The following PRRG3 variants were observed in gnomAD, a reference collection of about 807,000 sequenced individuals.
The protein encoded by PRRG3 is transmembrane gamma-carboxyglutamic acid protein 3.
Under a neutral mutation model 15.8 loss-of-function variants are expected in PRRG3, and 21 were observed. The observed-to-expected ratio is 1.33, with a 90% CI of 0.94 to 1.92. The LOEUF is 1.92. PRRG3 is among the 40% of genes most tolerant of loss of function. The probability of loss-of-function intolerance (pLI) is 0.00; values close to 1 mark genes in which losing one functional copy is unlikely to be tolerated. For synonymous variants in PRRG3, 125 were observed against 84.1 expected, an observed-to-expected ratio of 1.49 and a Z score of -2.66; for missense variants, 251 against 200.2, an observed-to-expected ratio of 1.25 and a Z score of -1.53.
At position 151,704,139 on chromosome X, in the gene PRRG3, C is replaced by A. The variant is rs2014942023; in HGVS notation, c.*3106C>A. The A allele has an allele frequency of 9.1e-6, 1 of 109,710 alleles. No homozygotes were observed. Among genetic ancestry groups the A allele is most frequent in the African/African-American group, 3.3e-5 (1 of 30,019 alleles). 9.0% of individuals were successfully genotyped at this position (109,710 alleles called of 1,213,427 possible). A position where few individuals can be genotyped will look rare whatever the true frequency, so the allele number is the denominator to read the frequency against. ...ATCCTGTCCCTCCCCCGCTTCCCAT[C>A]GCCTCCGGTTTTCAAAATGAAAGCA... On this transcript the variant is annotated 3_prime_UTR_variant, in exon 4 of 4. Coordinates refer to ENST00000674457, the MANE Select transcript of PRRG3 (RefSeq NM_001372163.1).
At chrX:151,700,404 G>A (rs765059828) in intron 3 of PRRG3, 102 bp from the exon 4 acceptor site, 427 of 1,128,560 alleles carry the variant, frequency 3.8e-4, no homozygotes, top group Non-Finnish European at 4.7e-4. Context: ...AACTCTGTGA[G>A]ACAAGTCAGA....
In PRRG3 at chrX:151,704,529, A is replaced by G; in HGVS notation, c.*3496A>G. On this transcript the variant is annotated 3_prime_UTR_variant, in exon 4 of 4. Coordinates refer to ENST00000674457, the MANE Select transcript of PRRG3 (RefSeq NM_001372163.1). Reference sequence around the variant, plus strand: ...GACATCCCATGAGAAGGAAGAAAAAAAATTCAACACTGCCTCTAGATTGTT... The same window carrying G: ...GACATCCCATGAGAAGGAAGAAAAAGAATTCAACACTGCCTCTAGATTGTT... 9.0e-6 allele frequency: 1 copy of G among 111,581 alleles called. No homozygotes were observed. The highest frequency in any genetic ancestry group is 3.9e-4 in the South Asian group (1 of 2,592). The allele number at this position is 111,581 out of a possible 1,213,427, so 9.2% of individuals were successfully genotyped here. A position where few individuals can be genotyped will look rare whatever the true frequency, so the allele number is the denominator to read the frequency against.
In PRRG3 at chrX:151,701,769, C is replaced by T. The variant is rs902538709; in HGVS notation, c.*736C>T. 1 of 111,531 alleles carries T rather than the reference C, an allele frequency of 9.0e-6. No homozygotes were observed. Among genetic ancestry groups the T allele is most frequent in the Non-Finnish European group, 1.9e-5 (1 of 53,069 alleles). 9.2% of individuals were successfully genotyped at this position (111,531 alleles called of 1,213,427 possible). A position where few individuals can be genotyped will look rare whatever the true frequency, so the allele number is the denominator to read the frequency against. Reference sequence around the variant, plus strand: ...TCCTCTTCCACATTGACCAAGGGGCCCACGTGGACTCTGCCATTCAGTTTC... The same window carrying T: ...TCCTCTTCCACATTGACCAAGGGGCTCACGTGGACTCTGCCATTCAGTTTC... On this transcript the variant is annotated 3_prime_UTR_variant, in exon 4 of 4. Coordinates refer to ENST00000674457, the MANE Select transcript of PRRG3 (RefSeq NM_001372163.1).
Position 151,700,925 on chromosome X carries a change from G to A in PRRG3, c.588G>A (p.Glu196=), listed in dbSNP as rs755909538. 8.3e-7 allele frequency: 1 copy of A among 1,211,185 alleles called. No individual in the cohort carries two copies. Among genetic ancestry groups the A allele is most frequent in the Non-Finnish European group, 1.1e-6 (1 of 895,098 alleles). ...SSTTPPPSYE[E]VTAPQESSSE... ...CCACCCCTCCCCCCTCCTACGAGGAGGTGACTGCGCCCCAAGAGAGCAGCA... is the reference window on the plus strand; with the variant it reads ...CCACCCCTCCCCCCTCCTACGAGGAAGTGACTGCGCCCCAAGAGAGCAGCA... Residue 196 remains glutamate (E), a synonymous_variant, in exon 4 of 4, where the codon GAG becomes GAA. Coordinates refer to ENST00000674457, the MANE Select transcript of PRRG3 (RefSeq NM_001372163.1).
rs1485735772 is a variant in PRRG3, at chrX:151,705,508, T to C, written c.*4475T>C. On this transcript the variant is annotated 3_prime_UTR_variant, in exon 4 of 4. Transcript: ENST00000674457. ...CCCCCAGCCCGAGCATTAACACAGA[T>C]CTTCAGGATTGGGACAAATCCCCCA... The C allele has an allele frequency of 3.5e-6, 1 of 288,846 alleles. No individual in the cohort carries two copies. Among genetic ancestry groups the C allele is most frequent in the African/African-American group, 2.7e-5 (1 of 36,480 alleles). The allele number at this position is 288,846 out of a possible 1,213,427, so 23.8% of individuals were successfully genotyped here.
chrX:151,696,848 T>A (rs1359269954), intron 1 of PRRG3, among the ~76,000 whole-genome samples: 3 of 111,988 alleles, frequency 2.7e-5, no homozygotes, highest in African/African-American at 9.7e-5. Flanking sequence ...AGGCCATCTG[T>A]TGACAAATTC....
At chrX:151,697,964 C>G (rs979838065) in intron 1 of PRRG3, among the ~76,000 whole-genome samples, 2 of 110,665 alleles carry the variant, frequency 1.8e-5, no homozygotes, top group African/African-American at 3.3e-5. Flanking sequence ...TGTCGGGCAT[C>G]TAAATTCATG....
intron 1 of PRRG3, among the ~76,000 whole-genome samples, chrX:151,697,031 C>T (rs1031740872): frequency 7.5e-4 from 69 of 91,767 alleles, no homozygotes; most frequent in Non-Finnish European, 1.4e-3. Flanking sequence ...CTTCCTTCCT[C>T]CCTCCCCTTC....
upstream of PRRG3, chrX:151,695,213 T>A (rs374099537): frequency 9.2e-6 from 1 of 108,787 alleles, no homozygotes; most frequent in Non-Finnish European, 1.9e-5. Flanking sequence ...AACGGCGGGG[T>A]GTGGGGGGCG....
chrX:151,694,942 CGGCACGGGCGGG>C (rs1226410716), upstream of PRRG3, among the ~76,000 whole-genome samples: 20 of 110,481 alleles, frequency 1.8e-4, no homozygotes, highest in South Asian at 7.3e-3. Context: ...CGCCCCCCGG[CGGCACGGGCGGG>C]GGCAGGGGCG....
intron 1 of PRRG3, among the ~76,000 whole-genome samples, chrX:151,697,741 G>A (rs2014792402): frequency 1.8e-5 from 2 of 108,214 alleles, no homozygotes; most frequent in African/African-American, 3.4e-5. Context: ...TCTGCTTGGG[G>A]AGGGGAGCAG....
rs1556247565 is a variant in PRRG3 at position 151,697,094 on chromosome X, T to TCCTC, written c.-32+1562_-32+1565dup. Among the ~76,000 whole-genome samples, 68 of 75,835 alleles carry TCCTC rather than the reference T, an allele frequency of 9.0e-4. 1 individual carries two copies. Among genetic ancestry groups the TCCTC allele is most frequent in the African/African-American group, 3.7e-3 (63 of 17,238 alleles). 65.9% of individuals were successfully genotyped at this position (75,835 alleles called of 115,157 possible). The stretch of plus-strand genomic sequence containing the variant: ...CTTCCCTTCTCCTTCCTTCCTTCCT[T>TCCTC]CCTCCCTCCCTCCCTTCCTTCCTCC... On this transcript the variant is annotated intron_variant, in intron 1 of 3. Coordinates refer to ENST00000674457, the MANE Select transcript of PRRG3 (RefSeq NM_001372163.1).
chrX:151,700,084 C>A lies in PRRG3; in HGVS notation c.96C>A (p.Ile32=). Residue 32 remains isoleucine (I), a synonymous_variant, in exon 3 of 4, where the codon ATC becomes ATA. Coordinates refer to ENST00000674457, the MANE Select transcript of PRRG3 (RefSeq NM_001372163.1). ...TGGAGGAGCTGCGCCAGGGCACCATCGAGCGAGAGTGCATGGAGGAGATCT... is the reference window on the plus strand; with the variant it reads ...TGGAGGAGCTGCGCCAGGGCACCATAGAGCGAGAGTGCATGGAGGAGATCT... ...EFLEELRQGT[I]ERECMEEICS... is the part of the protein sequence containing the mutation. The A allele has an allele frequency of 8.3e-7, 1 of 1,211,727 alleles. No individual in the cohort carries two copies.
At position 151,701,205 on chromosome X, in the gene PRRG3, TG is replaced by T. The variant is rs2014877677; in HGVS notation, c.*177del. On this transcript the variant is annotated 3_prime_UTR_variant, in exon 4 of 4. Transcript: ENST00000674457. The stretch of plus-strand genomic sequence containing the variant: ...AGTTGTCAGAGACAGGTGGGGAGGG[TG>T]GGGGTAGGGACCACGCATGAGTCGA... 2 of 399,073 alleles carry T rather than the reference TG, an allele frequency of 5.0e-6. No individual in the cohort carries two copies. The highest frequency in any genetic ancestry group is 2.5e-5 in the African/African-American group (1 of 39,368). 32.9% of individuals were successfully genotyped at this position (399,073 alleles called of 1,213,427 possible).
intron 1 of PRRG3, among the ~76,000 whole-genome samples, chrX:151,698,083 G>A (rs758231924): frequency 9.0e-6 from 1 of 111,142 alleles, no homozygotes; most frequent in South Asian, 3.9e-4. Context: ...AACACAGCGG[G>A]TCACCTGGGT....
chrX:151,698,908 G>A, intron 2 of PRRG3, 87 bp downstream of exon 2: 1 of 923,928 alleles, frequency 1.1e-6, no homozygotes, highest in East Asian at 3.2e-5. Context: ...CAGCTTCCCT[G>A]CCCCCTACCC....
At chrX:151,698,467 T>G (rs1337831771) in intron 1 of PRRG3, 1 of 170,169 alleles carries the variant, frequency 5.9e-6, no homozygotes, top group Non-Finnish European at 1.1e-5. Flanking sequence ...GCCTCAGCCT[T>G]TAGGAGCTTT....
rs1226387158 is a variant in PRRG3 at position 151,702,412 on chromosome X, T to C, written c.*1379T>C. ...AGCCCTGAGGACTTGCCCTGGGACGTGCTTCCAGTTAGAAGGCTTGTGTCC... is the reference window on the plus strand; with the variant it reads ...AGCCCTGAGGACTTGCCCTGGGACGCGCTTCCAGTTAGAAGGCTTGTGTCC... On this transcript the variant is annotated 3_prime_UTR_variant, in exon 4 of 4. Coordinates refer to ENST00000674457, the MANE Select transcript of PRRG3 (RefSeq NM_001372163.1). The C allele has an allele frequency of 9.8e-5, 11 of 112,074 alleles. No individual in the cohort carries two copies. The highest frequency in any genetic ancestry group is 5.6e-4 in the Admixed American group (6 of 10,642). The allele number at this position is 112,074 out of a possible 1,213,427, so 9.2% of individuals were successfully genotyped here. A position where few individuals can be genotyped will look rare whatever the true frequency, so the allele number is the denominator to read the frequency against.
rs1013087475 is a variant in PRRG3, at chrX:151,702,821, C to G, written c.*1788C>G. On this transcript the variant is annotated 3_prime_UTR_variant, in exon 4 of 4. Transcript: ENST00000674457. ...TCCCCTGGGCCTTCAGCATTGCACT[C>G]CTGCCCTTCATCACAAAGGGGTTTT... 3 of 112,289 alleles carry G rather than the reference C, an allele frequency of 2.7e-5. No homozygotes were observed. The highest frequency in any genetic ancestry group is 9.7e-5 in the African/African-American group (3 of 30,903). The allele number at this position is 112,289 out of a possible 1,213,427, so 9.3% of individuals were successfully genotyped here.
Sources: allele counts gnomAD v4.1 joint callset (sites outside exome capture counted in the v4.1 genomes callset), GRCh38; gene constraint gnomAD v4.1.1; transcripts MANE v1.5; gene names NCBI Gene and HGNC (gene_info 2026-07-23, HGNC 2026-07-21).